GLIS3: variants seen among roughly 807,000 people sequenced by gnomAD.
The protein encoded by GLIS3 is zinc finger protein GLIS3.
A neutral mutation model predicts 78.6 loss-of-function variants in GLIS3; 53 were observed. The ratio of observed to expected loss-of-function variants is 0.67; its 90% CI spans 0.54 to 0.85. The LOEUF is 0.85. GLIS3 is among the 40% of genes least tolerant of loss of function. GLIS3 has a pLI of 0.00. For synonymous variants in GLIS3, 684 were observed against 509.9 expected, an observed-to-expected ratio of 1.34 and a Z score of -4.60; for missense variants, 1,703 against 1,231.1, an observed-to-expected ratio of 1.38 and a Z score of -5.74.
rs1249884812 is a variant in GLIS3 at position 4,261,551 on chromosome 9, A to C, written c.388+24487T>G. 2.0e-5 allele frequency among the ~76,000 whole-genome samples: 3 copies of C among 152,188 alleles called. No homozygotes were observed. In the East Asian group the frequency reaches 5.8e-4, roughly 29 times the overall value. ...AGTAATTCTGAAGGCTAAAACTGAGAAGGCCAGTAACAAAAATGAAGTGAC... is the reference window on the plus strand; with the variant it reads ...AGTAATTCTGAAGGCTAAAACTGAGCAGGCCAGTAACAAAAATGAAGTGAC... On this transcript the variant is annotated intron_variant, in intron 2 of 10. Transcript: ENST00000381971.
chr9:4,238,352 A>G (rs10114647), intron 2 of GLIS3, among the ~76,000 whole-genome samples: 82,942 of 151,392 alleles, frequency 0.55, 23,379 homozygotes, highest in Non-Finnish European at 0.63. Context: ...GTGGAGAGGA[A>G]GAATATGACC....
In GLIS3 at chr9:3,937,073, A is replaced by G. The variant is rs1825939823; in HGVS notation, c.1827T>C (p.Ser609=). ...GGTGTTTGGCGCGGTCACTGGAGTT[A>G]CTGAAGGCCTTCTGACAACCCGGAT... ...CQHPGCQKAF[S]NSSDRAKHQR... Residue 609 remains serine, a synonymous_variant, in exon 5 of 11, where the codon AGT becomes AGC. Transcript: ENST00000381971. 5.0e-6 allele frequency: 8 copies of G among 1,613,688 alleles called. No homozygotes were observed. The highest frequency in any genetic ancestry group is 1.1e-5 in the South Asian group (1 of 91,054).
rs375457207 is a variant in GLIS3, at chr9:3,961,236, AC to A, written c.1711-24048del. Among the ~76,000 whole-genome samples, 96 of 152,238 alleles carry A rather than the reference AC, an allele frequency of 6.3e-4. No homozygotes were observed. The South Asian group carries it at 0.019, about 30-fold the overall frequency. On this transcript the variant is annotated intron_variant, in intron 4 of 10. Coordinates refer to ENST00000381971, the MANE Select transcript of GLIS3 (RefSeq NM_001042413.2). ...GCTGTTGCCTTAGAATGGTCTTCTG[AC>A]CCCAGAAGATGTGGAAACAGTATCC... is the stretch of plus-strand genomic sequence containing the variant.
At chr9:4,090,705 C>T (rs560116649) in intron 4 of GLIS3, among the ~76,000 whole-genome samples, 5 of 152,166 alleles carry the variant, frequency 3.3e-5, no homozygotes, top group Non-Finnish European at 7.3e-5. Context: ...CCTTAGTTTC[C>T]GCTAGTAGTA....
At chr9:4,244,957 A>G (rs1823663245) in intron 2 of GLIS3, among the ~76,000 whole-genome samples, 1 of 152,220 alleles carries the variant, frequency 6.6e-6, no homozygotes, top group Admixed American at 6.5e-5. Context: ...TACGTTAAAG[A>G]ATACTTTTAA....
intron 1 of GLIS3, among the ~76,000 whole-genome samples, chr9:4,293,315 T>A (rs1390356413): frequency 1.3e-5 from 2 of 152,194 alleles, no homozygotes; most frequent in Non-Finnish European, 2.9e-5. Flanking sequence ...CCATCACACA[T>A]GTAACTGAGT....
chr9:4,047,386 A>G (rs1032890670), intron 4 of GLIS3, among the ~76,000 whole-genome samples: 2 of 152,166 alleles, frequency 1.3e-5, no homozygotes, highest in African/African-American at 2.4e-5. Context: ...ACAATTGGGT[A>G]ATCTTTTAAG....
chr9:3,951,878 A>G (rs4008758), intron 4 of GLIS3, among the ~76,000 whole-genome samples: 1 of 148,708 alleles, frequency 6.7e-6, no homozygotes, highest in Non-Finnish European at 1.5e-5. Flanking sequence ...ACACACACAC[A>G]CACACACGCA....
At chr9:4,210,467 T>G (rs372207246) in intron 2 of GLIS3, among the ~76,000 whole-genome samples, 22 of 152,218 alleles carry the variant, frequency 1.4e-4, no homozygotes, top group African/African-American at 5.1e-4. Flanking sequence ...TGCTCTGAAT[T>G]AGAATAGAAT....
At chr9:4,429,739 G>C in the GLIS3 span, among the ~76,000 whole-genome samples, 2 of 152,118 alleles carry the variant, frequency 1.3e-5, no homozygotes, top group African/African-American at 4.8e-5. Flanking sequence ...CACAGAGTAA[G>C]TGCTCAACGT....
upstream of GLIS3, among the ~76,000 whole-genome samples, chr9:4,348,740 G>C (rs1246206515): frequency 6.6e-6 from 1 of 150,924 alleles, no homozygotes; most frequent in African/African-American, 2.4e-5. Context: ...TGTTTTAGAG[G>C]AATCTTATTC....
the GLIS3 span, among the ~76,000 whole-genome samples, chr9:4,391,662 A>T: frequency 6.6e-6 from 1 of 152,160 alleles, no homozygotes; most frequent in Non-Finnish European, 1.5e-5. Flanking sequence ...ATTATATTTT[A>T]AAAATCTCGA....
chr9:4,330,455 T>A (rs1314345887), intron 2 of GLIS3, among the ~76,000 whole-genome samples: 2 of 152,218 alleles, frequency 1.3e-5, no homozygotes, highest in Non-Finnish European at 2.9e-5. Context: ...TAGGCTTTGA[T>A]AGTTAATTAA....
chr9:4,243,983 C>G (rs1329412478), intron 2 of GLIS3, among the ~76,000 whole-genome samples: 1 of 152,238 alleles, frequency 6.6e-6, no homozygotes, highest in Non-Finnish European at 1.5e-5. Context: ...TTGCTGAGAA[C>G]ATCTGGCCAT....
At chr9:3,993,475 T>C (rs977609700) in intron 4 of GLIS3, among the ~76,000 whole-genome samples, 2 of 152,192 alleles carry the variant, frequency 1.3e-5, no homozygotes, top group African/African-American at 4.8e-5. Flanking sequence ...TAGAAATATG[T>C]ATAAGTATGA....
At chr9:4,369,755 G>C in the GLIS3 span, among the ~76,000 whole-genome samples, 1 of 152,148 alleles carries the variant, frequency 6.6e-6, no homozygotes, top group Non-Finnish European at 1.5e-5. Context: ...AAAGGACCTT[G>C]ACAAGTTGGA....
the GLIS3 span, among the ~76,000 whole-genome samples, chr9:4,363,974 C>T: frequency 6.6e-5 from 10 of 152,246 alleles, no homozygotes; most frequent in Admixed American, 5.2e-4. Flanking sequence ...TTCAAGAGTT[C>T]GCAATCTTTG....
chr9:4,234,264 T>C (rs1325237407), intron 2 of GLIS3, among the ~76,000 whole-genome samples: 1 of 152,222 alleles, frequency 6.6e-6, no homozygotes, highest in African/African-American at 2.4e-5. Flanking sequence ...CCTTCCTCAA[T>C]AGGCTTAAGC....
chr9:4,322,147 T>C (rs995448562), intron 2 of GLIS3, among the ~76,000 whole-genome samples: 4 of 152,166 alleles, frequency 2.6e-5, no homozygotes, highest in African/African-American at 7.2e-5. Flanking sequence ...TCCATCCTTG[T>C]GATAGTTTGC....
Sources: gnomAD v4.1 joint callset for allele counts (sites outside exome capture counted in the v4.1 genomes callset) on GRCh38, gnomAD v4.1.1 for gene constraint, MANE v1.5 for transcripts, NCBI Gene and HGNC (gene_info 2026-07-23, HGNC 2026-07-21) for gene names.